SCAMP1: variants seen among roughly 807,000 people sequenced by gnomAD.
SCAMP1 encodes secretory carrier membrane protein 1.
SCAMP1 carries 15 observed loss-of-function variants against 41.8 expected under a neutral mutation model. The observed-to-expected ratio is 0.36, with a 90% CI of 0.24 to 0.55. SCAMP1 has a LOEUF of 0.55. Ranked by LOEUF, SCAMP1 falls within the 20% of genes least tolerant of loss-of-function variation. The probability of loss-of-function intolerance (pLI) is 0.86; values close to 1 mark genes in which losing one functional copy is unlikely to be tolerated. For synonymous variants in SCAMP1, 135 were observed against 136.8 expected (o/e 0.99, Z 0.09); for missense variants, 341 against 412.6 (o/e 0.83, Z 1.50).
intron 6 of SCAMP1, among the ~76,000 whole-genome samples, chr5:78,426,590 G>A (rs1024243085): frequency 6.6e-6 from 1 of 152,154 alleles, no homozygotes; most frequent in Non-Finnish European, 1.5e-5. Context: ...TTTGAAAAGT[G>A]TCTGTTCATA....
chr5:78,369,015 A>T lies in SCAMP1; in HGVS notation c.57+8287A>T, dbSNP rs903616841. 7.9e-5 allele frequency among the ~76,000 whole-genome samples: 12 copies of T among 152,026 alleles called. No homozygotes were observed. In the East Asian group the frequency reaches 2.3e-3, roughly 30 times the overall value. The stretch of plus-strand genomic sequence containing the variant: ...GTTGGATAACCTACAGAGATGCCTA[A>T]TTTCAATATTGTAATGTCTCAGGGA... On this transcript the variant is annotated intron_variant, in intron 1 of 8. Coordinates refer to ENST00000621999, the MANE Select transcript of SCAMP1 (RefSeq NM_004866.6).
chr5:78,453,735 A>G (rs1198442310), intron 7 of SCAMP1, among the ~76,000 whole-genome samples: 1 of 152,170 alleles, frequency 6.6e-6, no homozygotes, highest in African/African-American at 2.4e-5. Context: ...AGTCATTGGT[A>G]GCTTTATGGC....
chr5:78,460,468 A>G (rs1483971318), intron 8 of SCAMP1, among the ~76,000 whole-genome samples: 1 of 151,968 alleles, frequency 6.6e-6, no homozygotes, highest in Non-Finnish European at 1.5e-5. Context: ...TGAGATGGGA[A>G]TTATTGTGGT....
chr5:78,458,445 G>T (rs7714871), intron 7 of SCAMP1, among the ~76,000 whole-genome samples: 116,050 of 152,092 alleles, frequency 0.76, 44,921 homozygotes, highest in African/African-American at 0.85. Context: ...AAATGTCTCT[G>T]CATGTCTTTT....
At chr5:78,471,343 A>G (rs1435175818) in intron 8 of SCAMP1, among the ~76,000 whole-genome samples, 2 of 152,176 alleles carry the variant, frequency 1.3e-5, no homozygotes, top group Non-Finnish European at 2.9e-5. Context: ...GGGTTACAAA[A>G]GGGATATCTG....
intron 6 of SCAMP1, among the ~76,000 whole-genome samples, chr5:78,425,452 C>CAT (rs987492963): frequency 2.0e-5 from 3 of 152,050 alleles, no homozygotes; most frequent in African/African-American, 4.8e-5. Context: ...TTTAGTTTTT[C>CAT]ATATATATTT....
chr5:78,450,267 A>T (rs1753186542), intron 7 of SCAMP1, among the ~76,000 whole-genome samples: 1 of 152,172 alleles, frequency 6.6e-6, no homozygotes, highest in Admixed American at 6.5e-5. Flanking sequence ...AGTTTAAATA[A>T]AACATGTATG....
chr5:78,398,203 A>G lies in SCAMP1; in HGVS notation c.135+9289A>G, dbSNP rs1407173231. On this transcript the variant is annotated intron_variant, in intron 2 of 8. Transcript: ENST00000621999. ...TGTTCCTATCAACTGATGAATGGAT[A>G]AATAAAACCTAGCATAAAAATAAAT... 2.0e-5 allele frequency among the ~76,000 whole-genome samples: 3 copies of G among 152,184 alleles called. No homozygotes were observed. The East Asian group carries it at 5.8e-4, about 29-fold the overall frequency.
intron 8 of SCAMP1, among the ~76,000 whole-genome samples, chr5:78,471,149 A>G (rs1036237793): frequency 6.6e-6 from 1 of 152,220 alleles, no homozygotes; most frequent in African/African-American, 2.4e-5. Context: ...TACAAAATGG[A>G]CAGAAACCCT....
intron 6 of SCAMP1, among the ~76,000 whole-genome samples, chr5:78,436,601 G>T (rs539705528): frequency 1.3e-5 from 2 of 152,310 alleles, no homozygotes; most frequent in African/African-American, 4.8e-5. Flanking sequence ...TTTGGTATCA[G>T]TACCATGCTG....
chr5:78,423,842 G>A (rs1229800295), intron 6 of SCAMP1, among the ~76,000 whole-genome samples: 1 of 109,302 alleles, frequency 9.1e-6, no homozygotes, highest in African/African-American at 3.8e-5. Flanking sequence ...AGAAATGAGA[G>A]GAATACTTTT....
chr5:78,360,872 G>A, intron 1 of SCAMP1, 144 bp downstream of exon 1: 1 of 769,950 alleles, frequency 1.3e-6, no homozygotes, highest in Non-Finnish European at 2.1e-6. Flanking sequence ...CCTCCATTTG[G>A]GGTCGCGCCC....
chr5:78,402,720 G>A lies in SCAMP1; in HGVS notation c.136-12800G>A, dbSNP rs529232853. ...TTTCTTATAGACAACATATAGTTGGGTCTTGTTTTTTGATCATCTCATAAT... is the reference window on the plus strand; with the variant it reads ...TTTCTTATAGACAACATATAGTTGGATCTTGTTTTTTGATCATCTCATAAT... On this transcript the variant is annotated intron_variant, in intron 2 of 8. Transcript: ENST00000621999. 1.4e-3 allele frequency among the ~76,000 whole-genome samples: 212 copies of A among 152,212 alleles called. 1 individual carries two copies. Among genetic ancestry groups the A allele is most frequent in the African/African-American group, 4.9e-3 (202 of 41,532 alleles).
chr5:78,395,358 A>G (rs1355346435), intron 2 of SCAMP1, among the ~76,000 whole-genome samples: 1 of 152,170 alleles, frequency 6.6e-6, no homozygotes, highest in African/African-American at 2.4e-5. Context: ...GAGTCAAGAG[A>G]GACTGTGGGT....
chr5:78,415,734 C>CA, intron 3 of SCAMP1, 116 bp downstream of exon 3: 1 of 668,856 alleles, frequency 1.5e-6, no homozygotes, highest in Non-Finnish European at 2.6e-6. Context: ...ATTTTTAACT[C>CA]ACTTTCAAGT....
rs781191155 is a variant in SCAMP1 at position 78,366,144 on chromosome 5, C to CTTTTTT, written c.57+5420_57+5421insTTTTTT. Among the ~76,000 whole-genome samples, 22 of 135,654 alleles carry CTTTTTT rather than the reference C, an allele frequency of 1.6e-4. 4 individuals are homozygous for CTTTTTT. The highest frequency in any genetic ancestry group is 2.3e-4 in the South Asian group (1 of 4,342). 89.0% of individuals were successfully genotyped at this position (135,654 alleles called of 152,430 possible). A position where few individuals can be genotyped will look rare whatever the true frequency, so the allele number is the denominator to read the frequency against. Reference sequence around the variant, plus strand: ...CAGCTCTTTGGGGCCCTTTTCTTTTCTTTTCTTTTTTTTTTTTGAGACGGA... The same window carrying CTTTTTT: ...CAGCTCTTTGGGGCCCTTTTCTTTTCTTTTTTTTTTCTTTTTTTTTTTTGAGACGGA... On this transcript the variant is annotated intron_variant, in intron 1 of 8. Transcript: ENST00000621999.
intron 2 of SCAMP1, among the ~76,000 whole-genome samples, chr5:78,411,025 C>T (rs1030368572): frequency 3.9e-5 from 6 of 151,972 alleles, no homozygotes; most frequent in African/African-American, 1.5e-4. Context: ...TCCTTATAGA[C>T]TCTGGTTATT....
chr5:78,430,502 A>T (rs1295452015), intron 6 of SCAMP1, among the ~76,000 whole-genome samples: 5 of 151,638 alleles, frequency 3.3e-5, no homozygotes, highest in Non-Finnish European at 7.4e-5. Flanking sequence ...CCAGAAAAAG[A>T]GATTTTTTTT....
At chr5:78,411,063 A>G (rs1228139447) in intron 2 of SCAMP1, among the ~76,000 whole-genome samples, 1 of 152,156 alleles carries the variant, frequency 6.6e-6, no homozygotes. Context: ...ATAGATTGCA[A>G]AAATTTTCTC....
Sources: gnomAD v4.1 joint callset for allele counts (sites outside exome capture counted in the v4.1 genomes callset) on GRCh38, gnomAD v4.1.1 for gene constraint, MANE v1.5 for transcripts, NCBI Gene and HGNC (gene_info 2026-07-23, HGNC 2026-07-21) for gene names.